The following PIGL variants were observed in gnomAD, a reference collection of about 807,000 sequenced individuals.
PIGL encodes N-acetylglucosaminyl-phosphatidylinositol de-N-acetylase.
Under a neutral mutation model 31.1 loss-of-function variants are expected in PIGL, and 22 were observed. The ratio of observed to expected loss-of-function variants is 0.71; its 90% confidence interval spans 0.51 to 1.01. The LOEUF (loss-of-function observed/expected upper bound fraction) is 1.01, where lower values mean the gene tolerates loss of function less well. Ranked by LOEUF, PIGL falls within the 50% of genes least tolerant of loss-of-function variation. The pLI is 0.00. For missense variants in PIGL, 302 were observed against 315.9 expected, an observed-to-expected ratio of 0.96 and a Z score of 0.33; for synonymous variants, 131 against 117.4, an observed-to-expected ratio of 1.12 and a Z score of -0.75.
chr17:16,243,196 G>A (rs930458342), intron 2 of PIGL, among the ~76,000 whole-genome samples: 2 of 151,944 alleles, frequency 1.3e-5, no homozygotes, highest in Admixed American at 1.3e-4. Context: ...GATCACAGGC[G>A]TGTGCCACCC....
chr17:16,317,888 A>G lies in PIGL; in HGVS notation c.640A>G (p.Lys214Glu). 1 of 1,613,582 alleles carries G rather than the reference A, an allele frequency of 6.2e-7. No individual in the cohort carries two copies. ...TQDVLFVLNS[K>E]EVAQAKKAMS... ...GGATGTCCTCTTCGTGCTCAACAGC[A>G]AAGAAGTGGCACAGGCCAAGGTGAG... Residue 214 changes from lysine (K) to glutamate (E), a missense_variant, in exon 6 of 7, where the codon AAA (lysine) becomes GAA (glutamate). Transcript: ENST00000225609.
intron 2 of PIGL, among the ~76,000 whole-genome samples, chr17:16,271,982 C>T (rs2092875236): frequency 6.6e-6 from 1 of 152,140 alleles, no homozygotes; most frequent in Admixed American, 6.5e-5. Context: ...ACCTTGGCCC[C>T]CGCAAAGCAC....
intron 2 of PIGL, among the ~76,000 whole-genome samples, chr17:16,256,440 G>A (rs2092793916): frequency 6.6e-6 from 1 of 151,978 alleles, no homozygotes; most frequent in African/African-American, 2.4e-5. Flanking sequence ...CGATTCCTCT[G>A]CCTCAGCTTC....
chr17:16,315,704 CTTTCTTTTTTTTTTT>C (rs1326640427), intron 4 of PIGL, among the ~76,000 whole-genome samples: 5 of 75,422 alleles, frequency 6.6e-5, no homozygotes, highest in African/African-American at 1.1e-4. Context: ...TTCTTTCTTT[CTTTCTTTTTTTTTTT>C]TTTTTTTTTT....
chr17:16,318,408 T>A (rs2142873247), intron 6 of PIGL, among the ~76,000 whole-genome samples: 1 of 151,894 alleles, frequency 6.6e-6, no homozygotes, highest in Admixed American at 6.6e-5. Flanking sequence ...GTAGCTGGGA[T>A]TACAGGCACC....
chr17:16,323,271 G>C (rs893388327), intron 6 of PIGL, among the ~76,000 whole-genome samples: 1 of 151,572 alleles, frequency 6.6e-6, no homozygotes, highest in African/African-American at 2.4e-5. Flanking sequence ...TTCACTCTTG[G>C]TGCCCATGCT....
chr17:16,259,626 T>TAA (rs1483092872), intron 2 of PIGL, among the ~76,000 whole-genome samples: 18 of 152,206 alleles, frequency 1.2e-4, no homozygotes, highest in Non-Finnish European at 2.4e-4. Context: ...ATAAAATTCT[T>TAA]AAAAGAAAAT....
At chr17:16,281,977 GA>G in intron 2 of PIGL, 1 of 485,104 alleles carries the variant, frequency 2.1e-6, no homozygotes, top group Non-Finnish European at 4.4e-6. Context: ...CCAGACAATG[GA>G]AGGGGGGCGA....
chr17:16,225,315 C>G (rs1041425263), intron 1 of PIGL, among the ~76,000 whole-genome samples: 4 of 147,068 alleles, frequency 2.7e-5, no homozygotes, highest in African/African-American at 1.0e-4. Context: ...GTTCTTTGTT[C>G]TAGTAATTCA....
chr17:16,300,384 A>G (rs2092999471), intron 3 of PIGL, among the ~76,000 whole-genome samples: 1 of 152,158 alleles, frequency 6.6e-6, no homozygotes, highest in Admixed American at 6.6e-5. Context: ...TTTTAACTTT[A>G]AAAGTAAAAT....
At chr17:16,274,778 T>A (rs1160319255) in intron 2 of PIGL, among the ~76,000 whole-genome samples, 1 of 149,944 alleles carries the variant, frequency 6.7e-6, no homozygotes, top group Non-Finnish European at 1.5e-5. Flanking sequence ...ACTCCTGTAA[T>A]ATCAGCGTTT....
At chr17:16,236,671 G>A (rs979139739) in intron 2 of PIGL, among the ~76,000 whole-genome samples, 2 of 152,040 alleles carry the variant, frequency 1.3e-5, no homozygotes, top group African/African-American at 2.4e-5. Context: ...TGGTTCCAGC[G>A]AGTCTCCTGC....
At chr17:16,250,570 C>T (rs1021631119) in intron 2 of PIGL, among the ~76,000 whole-genome samples, 6 of 152,024 alleles carry the variant, frequency 3.9e-5, no homozygotes, top group African/African-American at 1.4e-4. Context: ...CCAGAAAAAG[C>T]AGAGCTTTGG....
chr17:16,309,661 G>A (rs113583192), intron 3 of PIGL, among the ~76,000 whole-genome samples: 1,766 of 152,026 alleles, frequency 0.012, 46 homozygotes, highest in African/African-American at 0.04. Flanking sequence ...CTCGGAAGGC[G>A]GAGGCAGGAG....
In PIGL at chr17:16,218,748, G is replaced by A. The variant is rs149357616; in HGVS notation, c.235+1287G>A. Among the ~76,000 whole-genome samples, 18 of 144,278 alleles carry A rather than the reference G, an allele frequency of 1.2e-4. No individual in the cohort carries two copies. In the East Asian group the frequency reaches 2.5e-3, roughly 20 times the overall value. The allele number at this position is 144,278 out of a possible 152,430, so 94.7% of individuals were successfully genotyped here. A position where few individuals can be genotyped will look rare whatever the true frequency, so the allele number is the denominator to read the frequency against. On this transcript the variant is annotated intron_variant, in intron 1 of 6. Coordinates refer to ENST00000225609, the MANE Select transcript of PIGL (RefSeq NM_004278.4). ...GGCTGGAGTGCCGTGGCGTGATCTCGGCTCACTGCAACCTCCACCACCCGG... is the reference window on the plus strand; with the variant it reads ...GGCTGGAGTGCCGTGGCGTGATCTCAGCTCACTGCAACCTCCACCACCCGG...
rs2092998366 is a variant in PIGL, at chr17:16,300,128, A to G, written c.426+150A>G. On this transcript the variant is annotated intron_variant, in intron 3 of 6. Coordinates refer to ENST00000225609, the MANE Select transcript of PIGL (RefSeq NM_004278.4). The stretch of plus-strand genomic sequence containing the variant: ...GAGGCCAGAACTTCCAATGCTCACC[A>G]TTAAACCTACTGAAGAACAAACACA... 3 of 619,270 alleles carry G rather than the reference A, an allele frequency of 4.8e-6. No individual in the cohort carries two copies. In the South Asian group the frequency reaches 5.7e-5, roughly 12 times the overall value. 38.4% of individuals were successfully genotyped at this position (619,270 alleles called of 1,614,324 possible).
chr17:16,245,820 A>ATATT (rs1555851512), intron 2 of PIGL, among the ~76,000 whole-genome samples: 28 of 140,656 alleles, frequency 2.0e-4, no homozygotes, highest in Admixed American at 1.6e-3. Flanking sequence ...ATATATATAT[A>ATATT]TTTTTTTTTG....
intron 2 of PIGL, among the ~76,000 whole-genome samples, chr17:16,290,872 G>T (rs1250187522): frequency 6.6e-6 from 1 of 151,946 alleles, no homozygotes; most frequent in Non-Finnish European, 1.5e-5. Flanking sequence ...TTGAGACAGG[G>T]TCTCACTATG....
intron 3 of PIGL, among the ~76,000 whole-genome samples, chr17:16,308,942 G>A (rs796433961): frequency 1.4e-4 from 21 of 151,868 alleles, no homozygotes; most frequent in African/African-American, 4.8e-4. Context: ...ACGTGCCACC[G>A]GGCCCAGCTA....
Sources: allele counts gnomAD v4.1 joint callset (sites outside exome capture counted in the v4.1 genomes callset), GRCh38; gene constraint gnomAD v4.1.1; transcripts MANE v1.5; gene names NCBI Gene and HGNC (gene_info 2026-07-23, HGNC 2026-07-21).